Variants in DPYS observed in about 807,000 individuals in gnomAD.
The protein encoded by DPYS is dihydropyrimidine amidohydrolase.
Under a neutral mutation model 50.3 loss-of-function variants are expected in DPYS, and 39 were observed. The ratio of observed to expected loss-of-function variants is 0.78; its 90% confidence interval spans 0.60 to 1.01. The LOEUF is 1.01. DPYS is among the 50% of genes least tolerant of loss of function. The probability of loss-of-function intolerance (pLI) is 0.00; values close to 1 mark genes in which losing one functional copy is unlikely to be tolerated. For synonymous variants in DPYS, 245 were observed against 250.7 expected, an observed-to-expected ratio of 0.98 and a Z score of 0.22; for missense variants, 659 against 680.9, an observed-to-expected ratio of 0.97 and a Z score of 0.36.
At position 104,454,629 on chromosome 8, in the gene DPYS, G is replaced by C. The variant is rs1813863018; in HGVS notation, c.265-3225C>G. Among the ~76,000 whole-genome samples, 3 of 152,170 alleles carry C rather than the reference G, an allele frequency of 2.0e-5. No individual in the cohort carries two copies. In the South Asian group the frequency reaches 6.2e-4, roughly 32 times the overall value. Reference sequence around the variant, plus strand: ...TTCTGCCCTCAGGGTGTTTATAGGAGAAGCAGAAATATGAATAAATAAATA... The same window carrying C: ...TTCTGCCCTCAGGGTGTTTATAGGACAAGCAGAAATATGAATAAATAAATA... On this transcript the variant is annotated intron_variant, in intron 1 of 9. Transcript: ENST00000351513.
At position 104,381,235 on chromosome 8, in the gene DPYS, T is replaced by G; in HGVS notation, c.1523A>C (p.Asp508Ala). 1 of 1,614,150 alleles carries G rather than the reference T, an allele frequency of 6.2e-7. No individual in the cohort carries two copies. Reference sequence around the variant, plus strand: ...CTGTTTCCTGGTCCCTGCTGTGGCATCTTCTTTTGTCACTCTGGATTTCAG... The same window carrying G: ...CTGTTTCCTGGTCCCTGCTGTGGCAGCTTCTTTTGTCACTCTGGATTTCAG... The part of the protein sequence containing the change: ...ATLKSRVTKE[D>A]ATAGTRKQAH... Residue 508 changes from aspartate (D) to alanine (A), a missense_variant, in exon 9 of 10, where the codon GAT (aspartate) becomes GCT (alanine). Coordinates refer to ENST00000351513, the MANE Select transcript of DPYS (RefSeq NM_001385.3).
At chr8:104,447,570 C>G in intron 2 of DPYS, 67 bp from the exon 3 acceptor site, 2 of 1,560,290 alleles carry the variant, frequency 1.3e-6, no homozygotes, top group Non-Finnish European at 1.8e-6. Context: ...TCAACCTTCT[C>G]TAAAACGTTG....
chr8:104,383,555 G>C (rs1811123486), intron 8 of DPYS, among the ~76,000 whole-genome samples: 1 of 151,142 alleles, frequency 6.6e-6, no homozygotes, highest in African/African-American at 2.4e-5. Context: ...CTCCGTTTCT[G>C]TCAGGCTCTT....
In DPYS at chr8:104,452,405, C is replaced by G. The variant is rs559207297; in HGVS notation, c.265-1001G>C. On this transcript the variant is annotated intron_variant, in intron 1 of 9. Coordinates refer to ENST00000351513, the MANE Select transcript of DPYS (RefSeq NM_001385.3). Reference sequence around the variant, plus strand: ...TGGGAGGCTCACGGACACCAGGGTACAAAGCTCAGCATCAACACTTATTCG... The same window carrying G: ...TGGGAGGCTCACGGACACCAGGGTAGAAAGCTCAGCATCAACACTTATTCG... Among the ~76,000 whole-genome samples, 4 of 152,276 alleles carry G rather than the reference C, an allele frequency of 2.6e-5. No homozygotes were observed. In the South Asian group the frequency reaches 6.2e-4, roughly 24 times the overall value.
chr8:104,401,184 G>A (rs1415981739), intron 7 of DPYS, among the ~76,000 whole-genome samples: 1 of 152,184 alleles, frequency 6.6e-6, no homozygotes, highest in Non-Finnish European at 1.5e-5. Context: ...AGGATTATTA[G>A]TGGCATCTTT....
At chr8:104,458,666 A>G (rs1047114659) in intron 1 of DPYS, among the ~76,000 whole-genome samples, 1 of 152,210 alleles carries the variant, frequency 6.6e-6, no homozygotes, top group Non-Finnish European at 1.5e-5. Context: ...AGATGGAATA[A>G]TTATGATGGT....
chr8:104,408,547 T>A (rs1460052116), intron 7 of DPYS, among the ~76,000 whole-genome samples: 1 of 152,228 alleles, frequency 6.6e-6, no homozygotes, highest in African/African-American at 2.4e-5. Flanking sequence ...TTGTGCTGTA[T>A]CAAAAGATTG....
chr8:104,403,415 G>C (rs1811891419), intron 7 of DPYS, among the ~76,000 whole-genome samples: 1 of 151,664 alleles, frequency 6.6e-6, no homozygotes, highest in Non-Finnish European at 1.5e-5. Flanking sequence ...AGAACACGAG[G>C]CTTGCCACCA....
chr8:104,409,780 A>T (rs1812112946), intron 7 of DPYS, among the ~76,000 whole-genome samples: 1 of 152,218 alleles, frequency 6.6e-6, no homozygotes, highest in South Asian at 2.1e-4. Context: ...CTTCTCAACA[A>T]GCCCCAAAAG....
At chr8:104,465,270 G>C (rs956472330) in intron 1 of DPYS, among the ~76,000 whole-genome samples, 1 of 151,890 alleles carries the variant, frequency 6.6e-6, no homozygotes, top group Non-Finnish European at 1.5e-5. Context: ...AGAAAGAGAG[G>C]GGTGGAGGGG....
At chr8:104,445,612 A>G (rs1282713165) in intron 3 of DPYS, among the ~76,000 whole-genome samples, 1 of 151,694 alleles carries the variant, frequency 6.6e-6, no homozygotes, top group African/African-American at 2.4e-5. Context: ...GATGGTTACT[A>G]GAGGCTGGGA....
chr8:104,457,456 G>A (rs565751384), intron 1 of DPYS, among the ~76,000 whole-genome samples: 6 of 152,152 alleles, frequency 3.9e-5, no homozygotes, highest in Non-Finnish European at 8.8e-5. Flanking sequence ...GTTGACCTCA[G>A]GTAACTGGAG....
intron 8 of DPYS, among the ~76,000 whole-genome samples, chr8:104,388,250 C>A (rs1203456251): frequency 6.6e-6 from 1 of 152,058 alleles, no homozygotes; most frequent in Non-Finnish European, 1.5e-5. Flanking sequence ...AAGATACAAC[C>A]CAGTTTAAAA....
At chr8:104,401,370 T>C (rs1403573418) in intron 7 of DPYS, among the ~76,000 whole-genome samples, 3 of 151,616 alleles carry the variant, frequency 2.0e-5, no homozygotes, top group Non-Finnish European at 4.4e-5. Flanking sequence ...GAAAGATTAA[T>C]AACACTCACC....
chr8:104,428,798 C>T (rs770865571), intron 5 of DPYS, among the ~76,000 whole-genome samples: 1 of 150,964 alleles, frequency 6.6e-6, no homozygotes, highest in African/African-American at 2.4e-5. Context: ...TGGGGAGTGT[C>T]GGGATGTCCA....
intron 9 of DPYS, among the ~76,000 whole-genome samples, 167 bp from the exon 10 acceptor site, chr8:104,380,010 C>A (rs1053801450): frequency 6.6e-6 from 1 of 152,130 alleles, no homozygotes; most frequent in East Asian, 1.9e-4. Context: ...CTTTCTCTTG[C>A]TAATCTTTCC....
At chr8:104,462,995 C>A (rs1281454346) in intron 1 of DPYS, among the ~76,000 whole-genome samples, 2 of 152,158 alleles carry the variant, frequency 1.3e-5, no homozygotes, top group East Asian at 1.9e-4. Flanking sequence ...AAATAAATAA[C>A]CTTTAGTTAA....
At chr8:104,418,952 T>C (rs887432677) in intron 7 of DPYS, 1 of 960,156 alleles carries the variant, frequency 1.0e-6, no homozygotes, top group East Asian at 1.2e-4. Context: ...GAGGTGCTCC[T>C]GTGCAGAGTG....
At chr8:104,434,866 C>T (rs1043272827) in intron 4 of DPYS, among the ~76,000 whole-genome samples, 15 of 152,136 alleles carry the variant, frequency 9.9e-5, no homozygotes, top group African/African-American at 3.1e-4. Context: ...TAGACGTAAA[C>T]TTTATTAAGA....
Sources: gnomAD v4.1 joint callset for allele counts (sites outside exome capture counted in the v4.1 genomes callset) on GRCh38, gnomAD v4.1.1 for gene constraint, MANE v1.5 for transcripts, NCBI Gene and HGNC (gene_info 2026-07-23, HGNC 2026-07-21) for gene names.